Variants in LRIF1 observed in about 807,000 individuals in gnomAD.
LRIF1 encodes the protein ligand dependent nuclear receptor interacting factor 1, also known as ligand-dependent nuclear receptor-interacting factor 1.
A neutral mutation model predicts 52.7 loss-of-function variants in LRIF1; 32 were observed. The ratio of observed to expected loss-of-function variants is 0.61; its 90% confidence interval spans 0.46 to 0.82. LRIF1 has a LOEUF of 0.82. LRIF1 is among the 40% of genes least tolerant of loss of function. LRIF1 has a pLI of 0.00. For synonymous variants in LRIF1, 323 were observed against 317.4 expected (o/e 1.02, Z -0.19); for missense variants, 887 against 892.0 (o/e 0.99, Z 0.07).
At chr1:110,921,493 A>T in the LRIF1 span, among the ~76,000 whole-genome samples, 2 of 152,148 alleles carry the variant, frequency 1.3e-5, no homozygotes. Context: ...GAATAAAAAC[A>T]AAATTTAACT....
chr1:110,937,042 T>C, the LRIF1 span: 8 of 152,070 alleles, frequency 5.3e-5, no homozygotes, highest in African/African-American at 1.9e-4. Flanking sequence ...GATATAACAA[T>C]TTTAAATATG....
At chr1:110,921,270 G>A in the LRIF1 span, among the ~76,000 whole-genome samples, 103,758 of 151,404 alleles carry the variant, frequency 0.69, 37,302 homozygotes, top group East Asian at 0.89. Context: ...CCAGTGAAGT[G>A]CAGAAATAGT....
At chr1:110,930,212 T>C in the LRIF1 span, among the ~76,000 whole-genome samples, 13 of 152,228 alleles carry the variant, frequency 8.5e-5, no homozygotes, top group African/African-American at 3.1e-4. Flanking sequence ...TTATCTTTCA[T>C]GACTTGACAC....
chr1:110,963,783 G>A lies in LRIF1; in HGVS notation c.-95C>T. 1 of 1,015,214 alleles carries A rather than the reference G, an allele frequency of 9.9e-7. No homozygotes were observed. Among genetic ancestry groups the A allele is most frequent in the Non-Finnish European group, 1.5e-6 (1 of 674,896 alleles). The allele number at this position is 1,015,214 out of a possible 1,614,324, so 62.9% of individuals were successfully genotyped here. On this transcript the variant is annotated 5_prime_UTR_variant, in exon 1 of 4. Coordinates refer to ENST00000369763, the MANE Select transcript of LRIF1 (RefSeq NM_018372.4). ...CGAGAACCAGAGCGAGGGAATGTTG[G>A]GCTGGAGTTGCCCACAGCAACTGTG... is the stretch of plus-strand genomic sequence containing the variant.
chr1:110,892,330 G>C, the LRIF1 span: 1 of 1,609,202 alleles, frequency 6.2e-7, no homozygotes, highest in Non-Finnish European at 8.5e-7. Flanking sequence ...GATGTTGTGG[G>C]ATTCTTCCTT....
the LRIF1 span, among the ~76,000 whole-genome samples, chr1:110,909,563 G>A: frequency 6.7e-6 from 1 of 149,826 alleles, no homozygotes; most frequent in Non-Finnish European, 1.5e-5. Context: ...ACAAAAAAGG[G>A]CAGGGGTAGC....
chr1:110,897,200 C>G, the LRIF1 span, among the ~76,000 whole-genome samples: 13 of 152,178 alleles, frequency 8.5e-5, no homozygotes, highest in Non-Finnish European at 1.9e-4. Context: ...GTTAGTGGAA[C>G]TACTGAAACA....
Position 110,947,272 on chromosome 1 carries a change from T to C in LRIF1, c.*687A>G, listed in dbSNP as rs1188225602. The C allele has an allele frequency of 1.4e-5, 2 of 139,936 alleles. No homozygotes were observed. Among genetic ancestry groups the C allele is most frequent in the African/African-American group, 2.5e-5 (1 of 40,228 alleles). 8.7% of individuals were successfully genotyped at this position (139,936 alleles called of 1,614,324 possible). On this transcript the variant is annotated 3_prime_UTR_variant, in exon 4 of 4. Coordinates refer to ENST00000369763, the MANE Select transcript of LRIF1 (RefSeq NM_018372.4). The stretch of plus-strand genomic sequence containing the variant: ...ACACAATCTCAGTAACGTATGTACA[T>C]AGTCCCAAAAAAAAAAAAAGCAGCA...
At chr1:110,941,125 TTAAAAA>T in the LRIF1 span, 2 of 151,884 alleles carry the variant, frequency 1.3e-5, no homozygotes, top group African/African-American at 4.8e-5. Flanking sequence ...CTCACAAAAA[TTAAAAA>T]TAAAAAGTTT....
downstream of LRIF1, among the ~76,000 whole-genome samples, chr1:110,946,424 T>C (rs1006796576): frequency 2.0e-5 from 3 of 152,184 alleles, no homozygotes; most frequent in African/African-American, 4.8e-5. Context: ...ATAGTGTTGA[T>C]GGTTGTACAA....
intron 1 of LRIF1, among the ~76,000 whole-genome samples, chr1:110,958,072 C>A (rs1412318485): frequency 1.3e-5 from 2 of 152,114 alleles, no homozygotes; most frequent in Non-Finnish European, 2.9e-5. Flanking sequence ...TTGTTTTCAT[C>A]CTGTTATCTC....
At chr1:110,919,953 TC>T in the LRIF1 span, among the ~76,000 whole-genome samples, 1 of 152,260 alleles carries the variant, frequency 6.6e-6, no homozygotes, top group East Asian at 1.9e-4. Flanking sequence ...AAAAAGATGT[TC>T]AACATCATAT....
At chr1:110,896,784 A>G in the LRIF1 span, 1 of 1,506,772 alleles carries the variant, frequency 6.6e-7, no homozygotes, top group Non-Finnish European at 9.2e-7. Flanking sequence ...TTAAATGTTT[A>G]ATTACCTCGG....
rs1051657236 is a variant in LRIF1 at position 110,963,852 on chromosome 1, G to A, written c.-164C>T. 5.6e-6 allele frequency: 3 copies of A among 531,498 alleles called. No individual in the cohort carries two copies. Among genetic ancestry groups the A allele is most frequent in the Non-Finnish European group, 1.0e-5 (3 of 291,096 alleles). 32.9% of individuals were successfully genotyped at this position (531,498 alleles called of 1,614,324 possible). A position where few individuals can be genotyped will look rare whatever the true frequency, so the allele number is the denominator to read the frequency against. On this transcript the variant is annotated 5_prime_UTR_variant, in exon 1 of 4. Transcript: ENST00000369763. ...GAGGGCGACAGCGGGCTCTCGAGAGGGTGTATCCCCAGGCTTCGGGACGAG... is the reference window on the plus strand; with the variant it reads ...GAGGGCGACAGCGGGCTCTCGAGAGAGTGTATCCCCAGGCTTCGGGACGAG...
At chr1:110,925,486 C>G in the LRIF1 span, among the ~76,000 whole-genome samples, 1 of 151,888 alleles carries the variant, frequency 6.6e-6, no homozygotes, top group Non-Finnish European at 1.5e-5. Flanking sequence ...TCTGTAGAAC[C>G]CGGACCAATA....
chr1:110,921,539 A>C, the LRIF1 span, among the ~76,000 whole-genome samples: 2 of 152,210 alleles, frequency 1.3e-5, no homozygotes, highest in African/African-American at 4.8e-5. Context: ...ATCAGGCAAA[A>C]TAATAGTTTA....
At chr1:110,926,745 G>C in the LRIF1 span, among the ~76,000 whole-genome samples, 1 of 152,108 alleles carries the variant, frequency 6.6e-6, no homozygotes, top group Non-Finnish European at 1.5e-5. Context: ...ATAGCCAACA[G>C]ATGGCATTAT....
chr1:110,906,494 C>T, the LRIF1 span, among the ~76,000 whole-genome samples: 388 of 152,130 alleles, frequency 2.6e-3, 1 homozygote, highest in African/African-American at 8.9e-3. Flanking sequence ...CAGTGAGCCA[C>T]GATTATACCA....
chr1:110,947,879 G>T lies in LRIF1; in HGVS notation c.*80C>A. The T allele has an allele frequency of 6.7e-7, 1 of 1,498,348 alleles. No individual in the cohort carries two copies. The highest frequency in any genetic ancestry group is 1.4e-5 in the South Asian group (1 of 71,666). 92.8% of individuals were successfully genotyped at this position (1,498,348 alleles called of 1,614,324 possible). A position where few individuals can be genotyped will look rare whatever the true frequency, so the allele number is the denominator to read the frequency against. On this transcript the variant is annotated 3_prime_UTR_variant, in exon 4 of 4. Coordinates refer to ENST00000369763, the MANE Select transcript of LRIF1 (RefSeq NM_018372.4). ...AGCTTCATATTCAAAGACACTTTCA[G>T]AACACACCTACAATTAACTTATTAA...
Sources: gnomAD v4.1 joint callset for allele counts (sites outside exome capture counted in the v4.1 genomes callset) on GRCh38, gnomAD v4.1.1 for gene constraint, MANE v1.5 for transcripts, NCBI Gene and HGNC (gene_info 2026-07-23, HGNC 2026-07-21) for gene names.